GPC5: variants seen among roughly 807,000 people sequenced by gnomAD.
GPC5 encodes glypican-5.
In GPC5, 47 loss-of-function variants were observed where a neutral mutation model predicts 53.9. The observed-to-expected ratio is 0.87, with a 90% CI of 0.69 to 1.11. The LOEUF (loss-of-function observed/expected upper bound fraction) is 1.11. GPC5 is among the 50% of genes most tolerant of loss of function. The pLI is 0.00. For missense variants in GPC5, 748 were observed against 713.1 expected, an observed-to-expected ratio of 1.05 and a Z score of -0.56; for synonymous variants, 286 against 263.3, an observed-to-expected ratio of 1.09 and a Z score of -0.84.
intron 2 of GPC5, among the ~76,000 whole-genome samples, chr13:91,463,793 T>G (rs907447090): frequency 6.6e-6 from 1 of 152,144 alleles, no homozygotes; most frequent in Non-Finnish European, 1.5e-5. Flanking sequence ...ATATAGTTTA[T>G]GTAAAACTGT....
intron 2 of GPC5, among the ~76,000 whole-genome samples, chr13:91,598,920 C>G (rs1443397280): frequency 6.6e-6 from 1 of 152,030 alleles, no homozygotes; most frequent in Non-Finnish European, 1.5e-5. Flanking sequence ...TACTAGTTAA[C>G]ATATACTAAT....
chr13:92,610,660 A>G (rs1313946853), intron 7 of GPC5, among the ~76,000 whole-genome samples: 2 of 152,216 alleles, frequency 1.3e-5, no homozygotes, highest in Non-Finnish European at 2.9e-5. Flanking sequence ...ATAAAGAAAG[A>G]GATTTAATTG....
intron 6 of GPC5, among the ~76,000 whole-genome samples, chr13:92,048,075 A>G (rs2138834240): frequency 6.6e-6 from 1 of 152,106 alleles, no homozygotes; most frequent in Middle Eastern, 3.4e-3. Flanking sequence ...GTATATAGTG[A>G]AAACCTTAGA....
intron 7 of GPC5, among the ~76,000 whole-genome samples, chr13:92,834,697 A>C (rs140592954): frequency 2.6e-5 from 4 of 152,232 alleles, no homozygotes; most frequent in Non-Finnish European, 5.9e-5. Flanking sequence ...CAAATTACAA[A>C]CTACAAAAAA....
intron 7 of GPC5, among the ~76,000 whole-genome samples, chr13:92,750,431 CAA>C (rs1279629441): frequency 1.3e-5 from 2 of 149,238 alleles, no homozygotes; most frequent in East Asian, 3.9e-4. Flanking sequence ...AGAGAAAAGA[CAA>C]TGCTGGAAGA....
At chr13:92,792,335 A>G (rs1402325723) in intron 7 of GPC5, among the ~76,000 whole-genome samples, 2 of 152,122 alleles carry the variant, frequency 1.3e-5, no homozygotes, top group Non-Finnish European at 2.9e-5. Flanking sequence ...GAAATAAAAT[A>G]CTTTACATAC....
chr13:91,778,993 A>G (rs915060913), intron 5 of GPC5, among the ~76,000 whole-genome samples: 1 of 152,228 alleles, frequency 6.6e-6, no homozygotes, highest in Non-Finnish European at 1.5e-5. Context: ...GTATCTAGAC[A>G]TAGAAAAGGC....
At chr13:91,485,055 A>G (rs749678927) in intron 2 of GPC5, among the ~76,000 whole-genome samples, 17 of 152,346 alleles carry the variant, frequency 1.1e-4, no homozygotes, top group Non-Finnish European at 1.6e-4. Context: ...GGCCCAGGCC[A>G]TACCCCAGAA....
At chr13:91,492,141 T>C (rs1883974398) in intron 2 of GPC5, among the ~76,000 whole-genome samples, 1 of 152,218 alleles carries the variant, frequency 6.6e-6, no homozygotes, top group East Asian at 1.9e-4. Flanking sequence ...TTATCCTTTT[T>C]TGTTACTTGA....
intron 7 of GPC5, among the ~76,000 whole-genome samples, chr13:92,477,447 T>C (rs1158846096): frequency 1.3e-5 from 2 of 152,176 alleles, no homozygotes; most frequent in African/African-American, 4.8e-5. Context: ...GTAAACTTCC[T>C]GTTTGGCATA....
At chr13:92,629,909 A>T (rs186676202) in intron 7 of GPC5, among the ~76,000 whole-genome samples, 2 of 152,316 alleles carry the variant, frequency 1.3e-5, no homozygotes, top group East Asian at 3.9e-4. Flanking sequence ...ATACTTGATG[A>T]CAGGTCCTAA....
intron 6 of GPC5, among the ~76,000 whole-genome samples, chr13:92,021,550 A>G (rs899694263): frequency 2.6e-5 from 4 of 152,220 alleles, no homozygotes; most frequent in Non-Finnish European, 5.9e-5. Context: ...GATTTGCTGT[A>G]TAACATTGCA....
At chr13:92,118,829 C>T (rs1428542007) in intron 6 of GPC5, among the ~76,000 whole-genome samples, 1 of 152,094 alleles carries the variant, frequency 6.6e-6, no homozygotes, top group Non-Finnish European at 1.5e-5. Context: ...TGGCTGGTGC[C>T]ATAAGTCTAT....
At chr13:91,536,166 A>G (rs1288098531) in intron 2 of GPC5, among the ~76,000 whole-genome samples, 1 of 152,178 alleles carries the variant, frequency 6.6e-6, no homozygotes. Context: ...ATGTTGGAGG[A>G]AGAACATTTG....
intron 2 of GPC5, among the ~76,000 whole-genome samples, chr13:91,556,892 C>T (rs1265928748): frequency 6.6e-6 from 1 of 151,850 alleles, no homozygotes; most frequent in Non-Finnish European, 1.5e-5. Flanking sequence ...GTGATGGGTG[C>T]ACCACAATCT....
intron 5 of GPC5, among the ~76,000 whole-genome samples, chr13:91,832,520 T>C (rs2138857477): frequency 6.6e-6 from 1 of 152,184 alleles, no homozygotes; most frequent in Admixed American, 6.5e-5. Context: ...ATCCTGTCAT[T>C]ATGATGCTAG....
chr13:92,180,581 A>G (rs542927141), intron 7 of GPC5: 1 of 153,684 alleles, frequency 6.5e-6, no homozygotes, highest in South Asian at 2.0e-4. Flanking sequence ...AAATAGCTGC[A>G]TGTAAAATGT....
intron 7 of GPC5, among the ~76,000 whole-genome samples, chr13:92,417,575 G>A (rs1876367683): frequency 6.6e-6 from 1 of 152,104 alleles, no homozygotes; most frequent in Non-Finnish European, 1.5e-5. Flanking sequence ...ATTGCTAAAT[G>A]AGTAGAAAAA....
At chr13:92,637,625 C>T (rs138733566) in intron 7 of GPC5, among the ~76,000 whole-genome samples, 326 of 152,278 alleles carry the variant, frequency 2.1e-3, no homozygotes, top group African/African-American at 7.4e-3. Flanking sequence ...CAAACTTCAA[C>T]GCAAGCAAAT....
Sources: allele counts gnomAD v4.1 joint callset (sites outside exome capture counted in the v4.1 genomes callset), GRCh38; gene constraint gnomAD v4.1.1; transcripts MANE v1.5; gene names NCBI Gene and HGNC (gene_info 2026-07-23, HGNC 2026-07-21).